The following PARD3B variants were observed in gnomAD, a reference collection of about 807,000 sequenced individuals.
The protein encoded by PARD3B is partitioning defective 3 homolog B.
In PARD3B, 103 loss-of-function variants were observed where a neutral mutation model predicts 130.2. The observed-to-expected ratio is 0.79, with a 90% CI of 0.67 to 0.93. The LOEUF is 0.93. Among genes scored for constraint, PARD3B ranks in the 40% least tolerant of loss-of-function variants. PARD3B has a pLI of 0.00. For missense variants in PARD3B, 1,609 were observed against 1,499.2 expected, an observed-to-expected ratio of 1.07 and a Z score of -1.21; for synonymous variants, 583 against 553.2, an observed-to-expected ratio of 1.05 and a Z score of -0.76.
At chr2:204,855,199 C>T (rs1448439034) in intron 2 of PARD3B, among the ~76,000 whole-genome samples, 2 of 152,098 alleles carry the variant, frequency 1.3e-5, no homozygotes, top group African/African-American at 2.4e-5. Context: ...AGCCACATGC[C>T]ACAGTGCACG....
At chr2:205,436,138 T>C (rs543796887) in intron 19 of PARD3B, among the ~76,000 whole-genome samples, 1 of 152,338 alleles carries the variant, frequency 6.6e-6, no homozygotes, top group East Asian at 1.9e-4. Flanking sequence ...TAGTGCTCTG[T>C]AGCCCATTTA....
rs776751976 is a variant in PARD3B at position 205,121,833 on chromosome 2, A to T, written c.1049A>T (p.Asn350Ile). Residue 350 changes from asparagine (N) to isoleucine (I), a missense_variant, in exon 8 of 23, where the codon AAC becomes ATC. Asn to Ile is a moderately radical substitution (Grantham distance 149, BLOSUM62 -3). Coordinates refer to ENST00000406610, the MANE Select transcript of PARD3B (RefSeq NM_001302769.2). The surrounding 1 kb of genome is among the most constrained non-coding windows in gnomAD (Gnocchi z 5.0). ...GATGCATCAGCTTCCCTGCAACAAAACAAGAGTCCCCGAGTACCAAGGCTG... is the reference window on the plus strand; with the variant it reads ...GATGCATCAGCTTCCCTGCAACAAATCAAGAGTCCCCGAGTACCAAGGCTG... ...ETDASASLQQ[N>I]KSPRVPRLGG... The T allele has an allele frequency of 1.2e-6, 2 of 1,613,982 alleles. No homozygotes were observed. Among genetic ancestry groups the T allele is most frequent in the Admixed American group, 1.7e-5 (1 of 59,982 alleles).
At chr2:204,809,778 G>T (rs1204026177) in intron 2 of PARD3B, among the ~76,000 whole-genome samples, 2 of 152,160 alleles carry the variant, frequency 1.3e-5, no homozygotes, top group African/African-American at 4.8e-5. Context: ...GTTCTGTGAA[G>T]AATGTCATTG....
chr2:204,986,209 C>G (rs1256679509), intron 3 of PARD3B, among the ~76,000 whole-genome samples: 1 of 150,612 alleles, frequency 6.6e-6, no homozygotes, highest in East Asian at 2.0e-4. Flanking sequence ...CTTTACTTCA[C>G]TTAGACCTGT....
chr2:205,143,529 A>G (rs1479137018), intron 10 of PARD3B, among the ~76,000 whole-genome samples: 1 of 152,174 alleles, frequency 6.6e-6, no homozygotes, highest in East Asian at 1.9e-4. Flanking sequence ...GTAATTACAC[A>G]CTGATTTTAC....
Position 205,499,896 on chromosome 2 carries a change from T to C in PARD3B, c.3045T>C (p.Ser1015=), listed in dbSNP as rs536006746. ...KPYHPLVPAD[S]GRPTGGSTDR... ...CTGATTATTTGTCTATATCCTGTAG[T>C]GGCCGTCCTACGGGTGGAAGCACTG... Residue 1015 remains serine, a splice_region_variant and synonymous_variant, in exon 21 of 23, where the codon AGT becomes AGC. Transcript: ENST00000406610. 23 of 1,613,486 alleles carry C rather than the reference T, an allele frequency of 1.4e-5. 1 individual carries two copies. In the Middle Eastern group the frequency reaches 5.0e-4, roughly 35 times the overall value.
In PARD3B at chr2:205,592,290, T is replaced by C. The variant is rs1220690933; in HGVS notation, c.3261-23166T>C. ...AGGTTGACTTGTTCATTGGAATTGC[T>C]GTACGCCTTGGGAGCTTGGTCATTA... is the stretch of plus-strand genomic sequence containing the variant. On this transcript the variant is annotated intron_variant, in intron 22 of 22. Coordinates refer to ENST00000406610, the MANE Select transcript of PARD3B (RefSeq NM_001302769.2). The surrounding 1 kb of genome is among the most constrained non-coding windows in gnomAD (Gnocchi z 4.5). 6.6e-6 allele frequency among the ~76,000 whole-genome samples: 1 copy of C among 152,234 alleles called. No homozygotes were observed. Among genetic ancestry groups the C allele is most frequent in the Admixed American group, 6.5e-5 (1 of 15,280 alleles).
chr2:205,440,655 A>G lies in PARD3B; in HGVS notation c.3027A>G (p.Pro1009=). 3 of 1,613,358 alleles carry G rather than the reference A, an allele frequency of 1.9e-6. No homozygotes were observed. The highest frequency in any genetic ancestry group is 2.5e-6 in the Non-Finnish European group (3 of 1,179,330). ...LYAKVNKPYH[P]LVPADSGRPT... The stretch of plus-strand genomic sequence containing the variant: ...CCAAGGTCAACAAGCCATACCATCC[A>G]CTGGTTCCAGCTGACAGGTAATAAA... Residue 1009 remains proline, a synonymous_variant, in exon 20 of 23, where the codon CCA becomes CCG. Transcript: ENST00000406610. This position sits in a 1 kb window ranked among gnomAD's most constrained non-coding sequence, Gnocchi z 4.2.
intron 1 of PARD3B, among the ~76,000 whole-genome samples, chr2:204,584,341 T>A (rs2032725299): frequency 6.6e-6 from 1 of 152,174 alleles, no homozygotes; most frequent in African/African-American, 2.4e-5. Flanking sequence ...TAATGCATTA[T>A]ATGGGTTAAG....
chr2:205,412,018 A>G (rs1559069014), intron 19 of PARD3B, among the ~76,000 whole-genome samples: 7 of 152,238 alleles, frequency 4.6e-5, no homozygotes, highest in Admixed American at 3.3e-4. Flanking sequence ...TCCATTCTAT[A>G]TATTACATTA....
chr2:205,336,869 G>A (rs1428469553), intron 18 of PARD3B, among the ~76,000 whole-genome samples: 1 of 151,484 alleles, frequency 6.6e-6, no homozygotes, highest in African/African-American at 2.4e-5. Flanking sequence ...TTAAGACCAT[G>A]TTCACTTTGC....
Position 205,276,117 on chromosome 2 carries a change from A to C in PARD3B, c.2186-24413A>C, listed in dbSNP as rs185632803. The stretch of plus-strand genomic sequence containing the variant: ...TTCATTAAGGATTTCTGTTCCTGAA[A>C]TTTGTAATGTACACAGTGAATTAAA... On this transcript the variant is annotated intron_variant, in intron 16 of 22. Coordinates refer to ENST00000406610, the MANE Select transcript of PARD3B (RefSeq NM_001302769.2). This position sits in a 1 kb window ranked among gnomAD's most constrained non-coding sequence, Gnocchi z 5.0. 3.6e-4 allele frequency among the ~76,000 whole-genome samples: 55 copies of C among 152,304 alleles called. No individual in the cohort carries two copies. Among genetic ancestry groups the C allele is most frequent in the African/African-American group, 1.3e-3 (55 of 41,564 alleles).
At chr2:204,952,201 A>C (rs1469549417) in intron 2 of PARD3B, among the ~76,000 whole-genome samples, 4 of 152,194 alleles carry the variant, frequency 2.6e-5, no homozygotes, top group South Asian at 2.1e-4. Context: ...AATGATAGAC[A>C]CTTGGATTAT....
chr2:204,626,213 A>T (rs2034482093), intron 1 of PARD3B, among the ~76,000 whole-genome samples: 1 of 152,178 alleles, frequency 6.6e-6, no homozygotes, highest in Non-Finnish European at 1.5e-5. Context: ...CCTAATAAAT[A>T]ACTAAAGAGA....
At chr2:204,752,642 T>A (rs991537012) in intron 2 of PARD3B, among the ~76,000 whole-genome samples, 7 of 152,288 alleles carry the variant, frequency 4.6e-5, no homozygotes, top group Non-Finnish European at 1.0e-4. Flanking sequence ...TACTACTTTA[T>A]TTTCTTCAGT....
intron 21 of PARD3B, among the ~76,000 whole-genome samples, chr2:205,542,354 T>TTGTGTGTGTGTGTGTGTGTGTGTG (rs143438143): frequency 1.3e-3 from 193 of 145,202 alleles, no homozygotes; most frequent in African/African-American, 4.8e-3. Context: ...TAGTTTGTGT[T>TTGTGTGTGTGTGTGTGTGTGTGTG]TGTGTGTGTG....
At chr2:204,725,710 T>C (rs2039193624) in intron 2 of PARD3B, among the ~76,000 whole-genome samples, 1 of 152,230 alleles carries the variant, frequency 6.6e-6, no homozygotes, top group Admixed American at 6.5e-5. Flanking sequence ...TTTAGTAAAC[T>C]GTTGCCTTCC....
intron 3 of PARD3B, among the ~76,000 whole-genome samples, chr2:204,981,347 G>C (rs1692651958): frequency 6.6e-6 from 1 of 152,098 alleles, no homozygotes. Context: ...ATAATAAACT[G>C]TGGTGTATGC....
At chr2:205,360,525 C>T (rs1372372739) in intron 18 of PARD3B, among the ~76,000 whole-genome samples, 4 of 152,234 alleles carry the variant, frequency 2.6e-5, no homozygotes, top group Admixed American at 1.3e-4. Context: ...ACATCCCACT[C>T]TGGTTTATTG....
Sources: gnomAD v4.1 joint callset for allele counts (sites outside exome capture counted in the v4.1 genomes callset) on GRCh38, gnomAD v4.1.1 for gene constraint, Gnocchi (gnomAD v3.1) non-coding constraint, MANE v1.5 for transcripts, NCBI Gene and HGNC (gene_info 2026-07-23, HGNC 2026-07-21) for gene names.